MGAT4C: variants seen among roughly 807,000 people sequenced by gnomAD.
MGAT4C encodes alpha-1,3-mannosyl-glycoprotein 4-beta-N-acetylglucosaminyltransferase C.
Under a neutral mutation model 40.1 loss-of-function variants are expected in MGAT4C, and 19 were observed. That is an observed-to-expected ratio of 0.47 (90% CI 0.33 to 0.70). The LOEUF (loss-of-function observed/expected upper bound fraction) is 0.70. Among genes scored for constraint, MGAT4C ranks in the 30% least tolerant of loss-of-function variants. MGAT4C has a pLI of 0.02. For synonymous variants in MGAT4C, 181 were observed against 187.1 expected (o/e 0.97, Z 0.27); for missense variants, 491 against 563.2 (o/e 0.87, Z 1.30).
intron 1 of MGAT4C, among the ~76,000 whole-genome samples, chr12:86,825,932 A>G (rs1952797985): frequency 6.6e-6 from 1 of 151,544 alleles, no homozygotes; most frequent in African/African-American, 2.4e-5. Flanking sequence ...AATTTTCTCC[A>G]AAAGAGACTG....
At chr12:86,315,086 G>C (rs761379614) in intron 4 of MGAT4C, among the ~76,000 whole-genome samples, 2 of 151,492 alleles carry the variant, frequency 1.3e-5, no homozygotes, top group East Asian at 1.9e-4. Context: ...CAAAGCTAGA[G>C]GACTCACATT....
At chr12:86,009,656 T>C (rs1888261832) in intron 2 of MGAT4C, among the ~76,000 whole-genome samples, 1 of 152,228 alleles carries the variant, frequency 6.6e-6, no homozygotes, top group African/African-American at 2.4e-5. Flanking sequence ...GTTTTACTTT[T>C]ATTAATTCTG....
chr12:86,352,784 A>T (rs929484977), intron 3 of MGAT4C, among the ~76,000 whole-genome samples: 2 of 148,698 alleles, frequency 1.3e-5, no homozygotes, highest in Non-Finnish European at 3.0e-5. Flanking sequence ...CCTTAGAAAC[A>T]GATGGTCTCA....
intron 2 of MGAT4C, among the ~76,000 whole-genome samples, chr12:86,720,906 A>C (rs895086595): frequency 6.6e-6 from 1 of 152,168 alleles, no homozygotes; most frequent in African/African-American, 2.4e-5. Flanking sequence ...AATAAACCAT[A>C]ATATTTAAGG....
chr12:86,504,850 T>A (rs1450618613), intron 2 of MGAT4C, among the ~76,000 whole-genome samples: 2 of 152,110 alleles, frequency 1.3e-5, no homozygotes, highest in African/African-American at 4.8e-5. Context: ...TGGTGCTCAA[T>A]GTTGGCCACG....
chr12:86,708,260 C>T (rs906343402), intron 2 of MGAT4C, among the ~76,000 whole-genome samples: 2 of 152,208 alleles, frequency 1.3e-5, no homozygotes, highest in Admixed American at 6.5e-5. Flanking sequence ...TCAGAGAGTG[C>T]AAGCCTCAAG....
At chr12:86,460,896 C>G (rs1957588610) in intron 2 of MGAT4C, among the ~76,000 whole-genome samples, 1 of 152,096 alleles carries the variant, frequency 6.6e-6, no homozygotes, top group Non-Finnish European at 1.5e-5. Flanking sequence ...TTAAATTACA[C>G]TCCTATGGCA....
chr12:86,043,140 A>C (rs995274131), intron 2 of MGAT4C, among the ~76,000 whole-genome samples: 8 of 152,108 alleles, frequency 5.3e-5, no homozygotes, highest in Non-Finnish European at 1.0e-4. Context: ...AAGTTGGGGA[A>C]ATTTTCATGG....
intron 2 of MGAT4C, among the ~76,000 whole-genome samples, chr12:86,003,554 T>A (rs1440137302): frequency 6.6e-6 from 1 of 152,176 alleles, no homozygotes; most frequent in Non-Finnish European, 1.5e-5. Flanking sequence ...ATGTTAACTG[T>A]AAAAACAGTT....
At chr12:86,050,674 C>G (rs1359976120) in intron 1 of MGAT4C, among the ~76,000 whole-genome samples, 2 of 151,996 alleles carry the variant, frequency 1.3e-5, no homozygotes, top group Non-Finnish European at 2.9e-5. Flanking sequence ...ATTTCTCTCT[C>G]TACTTAAATG....
In MGAT4C at chr12:86,355,614, G is replaced by A. The variant is rs116979986; in HGVS notation, c.-119-21487C>T. ...AAAGACAGGACAACATGTTGAAAGT[G>A]TTGAAAGAAAACAAAAAAAATTGAA... On this transcript the variant is annotated intron_variant, in intron 3 of 7. Transcript: ENST00000548651. 5.5e-3 allele frequency among the ~76,000 whole-genome samples: 843 copies of A among 152,142 alleles called. 8 individuals carry two copies. The highest frequency in any genetic ancestry group is 0.025 in the Admixed American group (385 of 15,272).
chr12:86,358,028 C>T (rs1423938698), intron 3 of MGAT4C, among the ~76,000 whole-genome samples: 1 of 152,072 alleles, frequency 6.6e-6, no homozygotes, highest in East Asian at 1.9e-4. Context: ...ACATAATTGT[C>T]AGATTCACCA....
At chr12:86,541,203 G>A (rs1327728714) in intron 2 of MGAT4C, among the ~76,000 whole-genome samples, 1 of 152,146 alleles carries the variant, frequency 6.6e-6, no homozygotes, top group East Asian at 1.9e-4. Flanking sequence ...AATATAGACT[G>A]AGAAAAGAAA....
intron 1 of MGAT4C, among the ~76,000 whole-genome samples, chr12:86,177,075 T>C (rs879401986): frequency 4.0e-5 from 6 of 151,824 alleles, no homozygotes; most frequent in Non-Finnish European, 8.8e-5. Flanking sequence ...TGGTAAAATT[T>C]GTGTCAGAAT....
chr12:86,040,805 C>T (rs960836874), intron 2 of MGAT4C, among the ~76,000 whole-genome samples: 5 of 152,254 alleles, frequency 3.3e-5, no homozygotes, highest in South Asian at 2.1e-4. Context: ...TGCTGTAATC[C>T]GAGGATCCTG....
chr12:86,752,510 C>T (rs1164558672), intron 1 of MGAT4C, among the ~76,000 whole-genome samples: 6 of 152,014 alleles, frequency 3.9e-5, no homozygotes, highest in African/African-American at 7.2e-5. Context: ...CTAGAATTAG[C>T]TTGTCAATTT....
chr12:86,064,805 A>G, intron 1 of MGAT4C, among the ~76,000 whole-genome samples: 1 of 152,150 alleles, frequency 6.6e-6, no homozygotes, highest in East Asian at 1.9e-4. Flanking sequence ...AACAAAATAG[A>G]CCACTAACCA....
chr12:86,607,646 GT>G (rs1191846741), intron 2 of MGAT4C, among the ~76,000 whole-genome samples: 2 of 152,020 alleles, frequency 1.3e-5, no homozygotes, highest in Admixed American at 6.6e-5. Flanking sequence ...TATACTCTCT[GT>G]TACACAAATA....
intron 2 of MGAT4C, among the ~76,000 whole-genome samples, chr12:86,443,531 T>C (rs930242639): frequency 5.3e-5 from 8 of 152,158 alleles, no homozygotes; most frequent in Non-Finnish European, 1.0e-4. Flanking sequence ...ATAGCCCCTG[T>C]GTAGGAGAGC....
Sources: allele counts gnomAD v4.1 joint callset (sites outside exome capture counted in the v4.1 genomes callset), GRCh38; gene constraint gnomAD v4.1.1; transcripts MANE v1.5; gene names NCBI Gene and HGNC (gene_info 2026-07-23, HGNC 2026-07-21).